COLEC10: variants seen among roughly 807,000 people sequenced by gnomAD.
The protein encoded by COLEC10 is collectin-10.
A neutral mutation model predicts 28.4 loss-of-function variants in COLEC10; 22 were observed. The observed-to-expected ratio is 0.78, with a 90% CI of 0.55 to 1.11. The LOEUF is 1.11. COLEC10 is among the 50% of genes least tolerant of loss of function. The probability of loss-of-function intolerance (pLI) is 0.00; values close to 1 mark genes in which losing one functional copy is unlikely to be tolerated. For missense variants in COLEC10, 361 were observed against 344.1 expected (o/e 1.05, Z -0.39); for synonymous variants, 125 against 116.1 (o/e 1.08, Z -0.49).
chr8:119,089,832 C>T, intron 2 of COLEC10, 81 bp downstream of exon 2: 2 of 1,173,476 alleles, frequency 1.7e-6, no homozygotes, highest in African/African-American at 1.5e-5. Flanking sequence ...TGGAAATTAG[C>T]AGCTTTCATA....
intron 1 of COLEC10, among the ~76,000 whole-genome samples, chr8:119,004,241 C>T (rs929755490): frequency 6.6e-6 from 1 of 151,946 alleles, no homozygotes; most frequent in Non-Finnish European, 1.5e-5. Flanking sequence ...TGGATCCCAA[C>T]CATCTATTTT....
chr8:119,055,322 T>C (rs1051863509), intron 2 of COLEC10, among the ~76,000 whole-genome samples: 1 of 152,016 alleles, frequency 6.6e-6, no homozygotes, highest in African/African-American at 2.4e-5. Flanking sequence ...AGAACACTCA[T>C]CTCTGACCTC....
At chr8:119,004,021 T>C (rs1366175842) in intron 1 of COLEC10, among the ~76,000 whole-genome samples, 2 of 152,064 alleles carry the variant, frequency 1.3e-5, no homozygotes, top group Non-Finnish European at 1.5e-5. Context: ...TAGGACTTAC[T>C]GGGAAAACCA....
At chr8:119,035,015 G>A (rs76691902) in intron 2 of COLEC10, among the ~76,000 whole-genome samples, 6,707 of 152,178 alleles carry the variant, frequency 0.044, 217 homozygotes, top group East Asian at 0.16. Context: ...TACTAATAGG[G>A]TAATATTCCC....
At chr8:118,965,421 C>G in the COLEC10 span, among the ~76,000 whole-genome samples, 1 of 152,102 alleles carries the variant, frequency 6.6e-6, no homozygotes, top group Non-Finnish European at 1.5e-5. Context: ...AAGGTGGCAA[C>G]TTTTCTCAAA....
chr8:118,962,221 A>G, the COLEC10 span, among the ~76,000 whole-genome samples: 1 of 152,322 alleles, frequency 6.6e-6, no homozygotes, highest in East Asian at 1.9e-4. Flanking sequence ...TATGATGAGG[A>G]AAGTCCAAGG....
intron 2 of COLEC10, among the ~76,000 whole-genome samples, chr8:119,022,930 C>T (rs1245438696): frequency 6.6e-6 from 1 of 152,092 alleles, no homozygotes; most frequent in Non-Finnish European, 1.5e-5. Flanking sequence ...TTCTGTGGCT[C>T]AGTCTGAGCT....
At chr8:119,028,861 T>C (rs1456237806) in intron 2 of COLEC10, among the ~76,000 whole-genome samples, 1 of 152,202 alleles carries the variant, frequency 6.6e-6, no homozygotes, top group Non-Finnish European at 1.5e-5. Context: ...TGGTAACTAG[T>C]AATTAATGGT....
the COLEC10 span, among the ~76,000 whole-genome samples, chr8:118,989,534 T>TACACACACAC: frequency 3.1e-3 from 396 of 128,706 alleles, 1 homozygote; most frequent in African/African-American, 5.5e-3. Context: ...ACAGACAAAA[T>TACACACACAC]ACACACACAC....
intron 1 of COLEC10, among the ~76,000 whole-genome samples, chr8:119,087,079 T>C (rs887195607): frequency 2.0e-5 from 3 of 152,214 alleles, no homozygotes; most frequent in African/African-American, 7.2e-5. Context: ...AATGATAGAT[T>C]GTATGTCAAG....
chr8:119,073,515 A>G (rs1815164982), intron 1 of COLEC10, among the ~76,000 whole-genome samples: 1 of 152,086 alleles, frequency 6.6e-6, no homozygotes, highest in Non-Finnish European at 1.5e-5. Flanking sequence ...ATGTGTTTTA[A>G]TATGTATTTT....
upstream of COLEC10, among the ~76,000 whole-genome samples, chr8:118,993,709 C>T (rs1223673542): frequency 6.6e-6 from 1 of 152,168 alleles, no homozygotes; most frequent in Non-Finnish European, 1.5e-5. Context: ...TATAAAGACA[C>T]TGGTCATATT....
At chr8:119,048,115 G>T (rs7845498) in intron 2 of COLEC10, among the ~76,000 whole-genome samples, 2 of 152,070 alleles carry the variant, frequency 1.3e-5, no homozygotes, top group African/African-American at 4.8e-5. Flanking sequence ...GTACCCAATA[G>T]GTAATTTTTC....
chr8:119,023,973 T>C (rs1814141930), intron 2 of COLEC10, among the ~76,000 whole-genome samples: 1 of 152,180 alleles, frequency 6.6e-6, no homozygotes. Context: ...GTATATTCCT[T>C]CTAGATAGTT....
chr8:119,075,970 G>A (rs1358430096), intron 1 of COLEC10, among the ~76,000 whole-genome samples: 1 of 139,144 alleles, frequency 7.2e-6, no homozygotes, highest in African/African-American at 2.7e-5. Flanking sequence ...GTGCGATCTC[G>A]GCTCACTGCA....
chr8:119,103,874 T>C lies in COLEC10; in HGVS notation c.421T>C (p.Ser141Pro). 1 of 1,611,402 alleles carries C rather than the reference T, an allele frequency of 6.2e-7. No homozygotes were observed. The highest frequency in any genetic ancestry group is 8.5e-7 in the Non-Finnish European group (1 of 1,177,826). ...LDISIARLKT[S>P]MKFVKNVIAG... ...TATTAGTATTGCTCGGCTCAAGACA[T>C]CTATGAAGTTTGTCAAGAATGGTGA... Residue 141 changes from serine to proline, a missense_variant, in exon 5 of 6, where the codon TCT becomes CCT. Ser to Pro is a moderately conservative substitution (Grantham distance 74). Around this residue, in one of 3 missense-constraint regions of COLEC10, gnomAD observed 335 missense variants for 308.5 expected, o/e 1.09. Transcript: ENST00000332843.
At chr8:118,958,871 C>T in the COLEC10 span, among the ~76,000 whole-genome samples, 1 of 152,154 alleles carries the variant, frequency 6.6e-6, no homozygotes, top group African/African-American at 2.4e-5. Context: ...ATTATACTAA[C>T]CAAGTATATA....
intron 2 of COLEC10, among the ~76,000 whole-genome samples, chr8:119,047,917 G>T (rs916358158): frequency 6.6e-6 from 1 of 151,982 alleles, no homozygotes; most frequent in African/African-American, 2.4e-5. Context: ...CCCAATCCTT[G>T]GGTACTCAAT....
At chr8:119,079,625 T>G (rs1815329861) in intron 1 of COLEC10, among the ~76,000 whole-genome samples, 1 of 42,314 alleles carries the variant, frequency 2.4e-5, no homozygotes, top group Admixed American at 3.6e-4. Flanking sequence ...CCCACCCACT[T>G]ACTCAGACAT....
Sources: gnomAD v4.1 joint callset for allele counts (sites outside exome capture counted in the v4.1 genomes callset) on GRCh38, gnomAD v4.1.1 for gene constraint, gnomAD v4.1.1 regional missense constraint, MANE v1.5 for transcripts, NCBI Gene and HGNC (gene_info 2026-07-23, HGNC 2026-07-21) for gene names.